The following MLLT1 variants were observed in gnomAD, a reference collection of about 807,000 sequenced individuals.
The protein encoded by MLLT1 is protein ENL.
Under a neutral mutation model 55.1 loss-of-function variants are expected in MLLT1, and 11 were observed. The observed-to-expected ratio is 0.20, with a 90% CI of 0.13 to 0.33. The LOEUF (loss-of-function observed/expected upper bound fraction) is 0.33. MLLT1 is among the 10% of genes least tolerant of loss of function. MLLT1 has a pLI of 1.00. For missense variants in MLLT1, 536 were observed against 760.6 expected (o/e 0.70, Z 3.47); for synonymous variants, 323 against 320.1 (o/e 1.01, Z -0.10).
Position 6,227,008 on chromosome 19 carries a change from G to C in MLLT1, c.515C>G (p.Pro172Arg). Residue 172 changes from proline to arginine, a missense_variant, in exon 5 of 12, where the codon CCC (proline) becomes CGC (arginine). Coordinates refer to ENST00000252674, the MANE Select transcript of MLLT1 (RefSeq NM_005934.4). The surrounding 1 kb of genome is among the most constrained non-coding windows in gnomAD (Gnocchi z 5.1). ...GCCGTGGGATGGTTTGGTCTTCTTG[G>C]GGTCAGAGAAGGCAGAGAGTGGAAT... The part of the protein sequence containing the change: ...PTIPLSAFSD[P>R]KKTKPSHGSK... 1 of 1,605,484 alleles carries C rather than the reference G, an allele frequency of 6.2e-7. No homozygotes were observed. Among genetic ancestry groups the C allele is most frequent in the Non-Finnish European group, 8.5e-7 (1 of 1,176,770 alleles).
chr19:6,215,476 G>A (rs1302223270), intron 8 of MLLT1, among the ~76,000 whole-genome samples: 10 of 152,284 alleles, frequency 6.6e-5, no homozygotes, highest in South Asian at 4.1e-4. Context: ...CGGCTCCCCC[G>A]CAGTGAGCCA....
rs984442451 is a variant in MLLT1 at position 6,273,704 on chromosome 19, A to G, written c.13-2945T>C. On this transcript the variant is annotated intron_variant, in intron 1 of 11. Coordinates refer to ENST00000252674, the MANE Select transcript of MLLT1 (RefSeq NM_005934.4). This position sits in a 1 kb window ranked among gnomAD's most constrained non-coding sequence, Gnocchi z 4.3. Reference sequence around the variant, plus strand: ...AGCATTACAGGTGAAAACTAAATGTACATATACATCATGGGAACAGCACCA... The same window carrying G: ...AGCATTACAGGTGAAAACTAAATGTGCATATACATCATGGGAACAGCACCA... Among the ~76,000 whole-genome samples, 4 of 152,226 alleles carry G rather than the reference A, an allele frequency of 2.6e-5. No individual in the cohort carries two copies. Among genetic ancestry groups the G allele is most frequent in the Non-Finnish European group, 5.9e-5 (4 of 68,038 alleles).
chr19:6,267,575 A>C (rs775263816), intron 2 of MLLT1, among the ~76,000 whole-genome samples: 2 of 152,160 alleles, frequency 1.3e-5, no homozygotes, highest in Non-Finnish European at 2.9e-5. Flanking sequence ...AAATGACCAA[A>C]AAGAACCCGT....
At position 6,270,909 on chromosome 19, in the gene MLLT1, G is replaced by T. The variant is rs1260246355; in HGVS notation, c.13-150C>A. On this transcript the variant is annotated intron_variant, in intron 1 of 11. Transcript: ENST00000252674. The surrounding 1 kb of genome is among the most constrained non-coding windows in gnomAD (Gnocchi z 7.1). ...CAGCACACAGACGGCTTCCTATCGCGCCAGCACCTTGCCGCAGACGTCCCG... is the reference window on the plus strand; with the variant it reads ...CAGCACACAGACGGCTTCCTATCGCTCCAGCACCTTGCCGCAGACGTCCCG... 4.1e-6 allele frequency: 3 copies of T among 729,618 alleles called. No individual in the cohort carries two copies. Among genetic ancestry groups the T allele is most frequent in the Admixed American group, 3.2e-5 (1 of 31,400 alleles). The allele number at this position is 729,618 out of a possible 1,614,324, so 45.2% of individuals were successfully genotyped here.
intron 4 of MLLT1, among the ~76,000 whole-genome samples, chr19:6,228,558 T>TC (rs1393977991): frequency 2.6e-5 from 4 of 151,770 alleles, no homozygotes; most frequent in Admixed American, 2.0e-4. Flanking sequence ...TCCTACCCTC[T>TC]CTCCCATTAC....
intron 6 of MLLT1, 135 bp downstream of exon 6, chr19:6,221,986 A>C: frequency 3.1e-6 from 2 of 644,830 alleles, no homozygotes; most frequent in East Asian, 6.8e-5. Context: ...CCAGGTTACA[A>C]GAAGCCAGTG....
chr19:6,240,337 T>C lies in MLLT1; in HGVS notation c.277-9624A>G, dbSNP rs950360617. On this transcript the variant is annotated intron_variant, in intron 3 of 11. Transcript: ENST00000252674. This position sits in a 1 kb window ranked among gnomAD's most constrained non-coding sequence, Gnocchi z 4.7. ...CCCTGGTCAGGGGAGGCGGGGGAGTTTTCTTCTTGTACCCCTGAACTTCAA... is the reference window on the plus strand; with the variant it reads ...CCCTGGTCAGGGGAGGCGGGGGAGTCTTCTTCTTGTACCCCTGAACTTCAA... Among the ~76,000 whole-genome samples the C allele has an allele frequency of 6.6e-6, 1 of 152,062 alleles. No individual in the cohort carries two copies. Among genetic ancestry groups the C allele is most frequent in the Non-Finnish European group, 1.5e-5 (1 of 67,994 alleles).
intron 1 of MLLT1, among the ~76,000 whole-genome samples, chr19:6,271,162 C>A (rs1043263563): frequency 1.3e-5 from 2 of 152,090 alleles, no homozygotes; most frequent in African/African-American, 4.8e-5. Context: ...GGGAAGCCTC[C>A]CCTGACCACC....
intron 2 of MLLT1, among the ~76,000 whole-genome samples, chr19:6,265,021 C>A (rs1310443159): frequency 5.9e-5 from 4 of 67,324 alleles, no homozygotes; most frequent in Admixed American, 1.6e-4. Context: ...TCAAATGTCA[C>A]AAAACATAGT....
At chr19:6,265,061 A>AAC (rs2091338002) in intron 2 of MLLT1, among the ~76,000 whole-genome samples, 2 of 138,962 alleles carry the variant, frequency 1.4e-5, no homozygotes, top group Non-Finnish European at 3.1e-5. Context: ...AAAAAACAAA[A>AAC]AAACAAAAAA....
chr19:6,228,074 T>G (rs2090971597), intron 4 of MLLT1, among the ~76,000 whole-genome samples: 1 of 152,162 alleles, frequency 6.6e-6, no homozygotes, highest in Non-Finnish European at 1.5e-5. Context: ...CATGGGCCCC[T>G]AGGGTCCCTG....
chr19:6,247,597 T>C (rs1251608691), intron 3 of MLLT1, among the ~76,000 whole-genome samples: 1 of 152,048 alleles, frequency 6.6e-6, no homozygotes, highest in Non-Finnish European at 1.5e-5. Context: ...AGTTAATAAA[T>C]GTAGAAAGGA....
chr19:6,279,354 G>C (rs1016268801), intron 1 of MLLT1, among the ~76,000 whole-genome samples: 6 of 152,132 alleles, frequency 3.9e-5, no homozygotes, highest in Non-Finnish European at 8.8e-5. Flanking sequence ...GGTCTGAACA[G>C]GGCCCAGATC....
rs2091260869 is a variant in MLLT1, at chr19:6,256,806, A to T, written c.276+5422T>A. 6.6e-6 allele frequency among the ~76,000 whole-genome samples: 1 copy of T among 152,204 alleles called. No individual in the cohort carries two copies. The highest frequency in any genetic ancestry group is 6.5e-5 in the Admixed American group (1 of 15,276). ...ACCTTCCTATACAACTACAGTCATC[A>T]AAACAGTATGGCCAGCATAAGCACA... On this transcript the variant is annotated intron_variant, in intron 3 of 11. Coordinates refer to ENST00000252674, the MANE Select transcript of MLLT1 (RefSeq NM_005934.4). The surrounding 1 kb of genome is among the most constrained non-coding windows in gnomAD (Gnocchi z 4.1).
rs1194854930 is a variant in MLLT1, at chr19:6,270,906, C to T, written c.13-147G>A. Reference sequence around the variant, plus strand: ...GAGCAGCACACAGACGGCTTCCTATCGCGCCAGCACCTTGCCGCAGACGTC... The same window carrying T: ...GAGCAGCACACAGACGGCTTCCTATTGCGCCAGCACCTTGCCGCAGACGTC... On this transcript the variant is annotated intron_variant, in intron 1 of 11. Coordinates refer to ENST00000252674, the MANE Select transcript of MLLT1 (RefSeq NM_005934.4). The surrounding 1 kb of genome is among the most constrained non-coding windows in gnomAD (Gnocchi z 7.1). The T allele has an allele frequency of 1.3e-6, 1 of 742,328 alleles. No individual in the cohort carries two copies. The highest frequency in any genetic ancestry group is 2.1e-6 in the Non-Finnish European group (1 of 476,138). The allele number at this position is 742,328 out of a possible 1,614,324, so 46.0% of individuals were successfully genotyped here.
At chr19:6,255,336 T>C (rs1325662018) in intron 3 of MLLT1, among the ~76,000 whole-genome samples, 1 of 152,000 alleles carries the variant, frequency 6.6e-6, no homozygotes, top group Non-Finnish European at 1.5e-5. Flanking sequence ...CTACTAAAAA[T>C]ACAAAAATTA....
chr19:6,259,477 T>C (rs1214581624), intron 3 of MLLT1: 1 of 152,268 alleles, frequency 6.6e-6, no homozygotes, highest in Non-Finnish European at 1.5e-5. Flanking sequence ...TGCCAACTTC[T>C]GAGGCTTGAC....
rs575290946 is a variant in MLLT1 at position 6,211,383 on chromosome 19, G to A, written c.*1659C>T. ...TCCGAAGGTTCTCGGGCCTTTCCCCGAGAGTTCTGGGGAGTTTCCCCAGGA... is the reference window on the plus strand; with the variant it reads ...TCCGAAGGTTCTCGGGCCTTTCCCCAAGAGTTCTGGGGAGTTTCCCCAGGA... On this transcript the variant is annotated 3_prime_UTR_variant, in exon 12 of 12. Coordinates refer to ENST00000252674, the MANE Select transcript of MLLT1 (RefSeq NM_005934.4). This position sits in a 1 kb window ranked among gnomAD's most constrained non-coding sequence, Gnocchi z 4.6. 44 of 236,920 alleles carry A rather than the reference G, an allele frequency of 1.9e-4. 1 individual carries two copies. In the South Asian group the frequency reaches 6.5e-3, roughly 35 times the overall value. The allele number at this position is 236,920 out of a possible 1,614,324, so 14.7% of individuals were successfully genotyped here.
chr19:6,269,400 T>A (rs2091376247), intron 2 of MLLT1, among the ~76,000 whole-genome samples: 2 of 152,218 alleles, frequency 1.3e-5, no homozygotes, highest in Admixed American at 1.3e-4. Flanking sequence ...TATAAACATC[T>A]GCCGCTGTCA....
Sources: allele counts gnomAD v4.1 joint callset (sites outside exome capture counted in the v4.1 genomes callset), GRCh38; gene constraint gnomAD v4.1.1; non-coding constraint Gnocchi (gnomAD v3.1); transcripts MANE v1.5; gene names NCBI Gene and HGNC (gene_info 2026-07-23, HGNC 2026-07-21).